The following RAB11B variants were observed in gnomAD, a reference collection of about 807,000 sequenced individuals.
The protein encoded by RAB11B is ras-related protein Rab-11B.
RAB11B carries 7 observed loss-of-function variants against 23.7 expected under a neutral mutation model. That is an observed-to-expected ratio of 0.29 (90% CI 0.17 to 0.55). The LOEUF is 0.55. Ranked by LOEUF, RAB11B falls within the 20% of genes least tolerant of loss-of-function variation. The probability of loss-of-function intolerance (pLI) is 0.93; values close to 1 mark genes in which losing one functional copy is unlikely to be tolerated. For missense variants in RAB11B, 189 were observed against 320.0 expected, an observed-to-expected ratio of 0.59 and a Z score of 3.12; for synonymous variants, 138 against 132.0, an observed-to-expected ratio of 1.05 and a Z score of -0.31.
At position 8,402,569 on chromosome 19, in the gene RAB11B, G is replaced by C; in HGVS notation, c.511+4G>C. 1.2e-6 allele frequency: 2 copies of C among 1,610,248 alleles called. No individual in the cohort carries two copies. The highest frequency in any genetic ancestry group is 1.1e-5 in the South Asian group (1 of 90,974). On this transcript the variant is annotated splice_donor_region_variant and intron_variant, in intron 4 of 4. Coordinates refer to ENST00000328024, the MANE Select transcript of RAB11B (RefSeq NM_004218.4). ...GCATTCAAGAACATCCTCACAGGTGGCCGGGGACCAGATGGGTGTGGGTAG... is the reference window on the plus strand; with the variant it reads ...GCATTCAAGAACATCCTCACAGGTGCCCGGGGACCAGATGGGTGTGGGTAG...
Position 8,402,182 on chromosome 19 carries a change from C to T in RAB11B, c.333C>T (p.Asp111=), listed in dbSNP as rs886597469. ...AGCGCTGGCTGAAGGAGCTGCGGGA[C>T]CACGCAGACAGCAACATCGTCATCA... ...NVERWLKELR[D]HADSNIVIML... Residue 111 remains aspartate, a synonymous_variant, in exon 3 of 5, where the codon GAC becomes GAT. Coordinates refer to ENST00000328024, the MANE Select transcript of RAB11B (RefSeq NM_004218.4). The T allele has an allele frequency of 2.5e-6, 4 of 1,599,128 alleles. No individual in the cohort carries two copies. Among genetic ancestry groups the T allele is most frequent in the Non-Finnish European group, 3.4e-6 (4 of 1,172,942 alleles).
chr19:8,394,489 G>A (rs1971381735), intron 1 of RAB11B, among the ~76,000 whole-genome samples: 1 of 152,178 alleles, frequency 6.6e-6, no homozygotes, highest in Non-Finnish European at 1.5e-5. Flanking sequence ...TTTGGCCTTT[G>A]CTCTGACTTG....
At position 8,402,689 on chromosome 19, in the gene RAB11B, A is replaced by AC. The variant is rs200847715; in HGVS notation, c.511+124_511+125insC. On this transcript the variant is annotated intron_variant, in intron 4 of 4. Transcript: ENST00000328024. Reference sequence around the variant, plus strand: ...TCTTTTTTTTGTCGGGGCAGGATGGATTTTTGCTCTTTGCCCAGGCTGGAG... The same window carrying AC: ...TCTTTTTTTTGTCGGGGCAGGATGGACTTTTTGCTCTTTGCCCAGGCTGGAG... 1.1e-5 allele frequency: 8 copies of AC among 730,982 alleles called. No homozygotes were observed. In the African/African-American group the frequency reaches 1.5e-4, roughly 14 times the overall value. The allele number at this position is 730,982 out of a possible 1,614,324, so 45.3% of individuals were successfully genotyped here.
intron 4 of RAB11B, chr19:8,402,862 A>C: frequency 1.9e-6 from 1 of 537,352 alleles, no homozygotes. Flanking sequence ...AGGATTTCAC[A>C]ATGTTGTCCA....
chr19:8,402,267 C>A lies in RAB11B; in HGVS notation c.418C>A (p.Arg140Ser). ...GCGGGCTGTGCCCACTGACGAGGCC[C>A]GCGCCTTCGCAGGTGAGCAGACGGA... ...HLRAVPTDEA[R>S]AFAEKNNLSF... Residue 140 changes from arginine to serine, a missense_variant, in exon 3 of 5, where the codon CGC becomes AGC. Transcript: ENST00000328024. The A allele has an allele frequency of 1.3e-6, 2 of 1,556,226 alleles. No individual in the cohort carries two copies. The highest frequency in any genetic ancestry group is 1.7e-6 in the Non-Finnish European group (2 of 1,150,422).
rs758588165 is a variant in RAB11B, at chr19:8,402,256, C to T, written c.407C>T (p.Thr136Ile). Residue 136 changes from threonine to isoleucine, a missense_variant, in exon 3 of 5, where the codon ACT becomes ATT. This residue lies in a region of RAB11B where 122 missense variants were observed against 170.8 expected (regional missense o/e 0.71). Transcript: ENST00000328024. ...SDLRHLRAVP[T>I]DEARAFAEKN... ...CTGCGCCACCTGCGGGCTGTGCCCA[C>T]TGACGAGGCCCGCGCCTTCGCAGGT... is the stretch of plus-strand genomic sequence containing the variant. 6.4e-7 allele frequency: 1 copy of T among 1,561,272 alleles called. No homozygotes were observed. Among genetic ancestry groups the T allele is most frequent in the South Asian group, 1.2e-5 (1 of 85,478 alleles).
chr19:8,390,452 CA>C lies in RAB11B; in HGVS notation c.39del (p.Val14TrpfsTer84). The C allele has an allele frequency of 6.6e-7, 1 of 1,512,506 alleles. No individual in the cohort carries two copies. The highest frequency in any genetic ancestry group is 8.8e-7 in the Non-Finnish European group (1 of 1,134,702). 93.7% of individuals were successfully genotyped at this position (1,512,506 alleles called of 1,614,324 possible). ...GGGACGACGAGTACGACTACCTATT[CA>C]AAGGTGCGGCCGGTGGGGCACAGAC... The part of the protein sequence containing the change: ...TRDDEYDYLF[K>X]VVLIGDSGVG... On this transcript the variant is annotated frameshift_variant, in exon 1 of 5. Coordinates refer to ENST00000328024, the MANE Select transcript of RAB11B (RefSeq NM_004218.4). LOFTEE classifies it high-confidence loss of function.
At chr19:8,390,750 G>A (rs1027853359) in intron 1 of RAB11B, 9 of 310,672 alleles carry the variant, frequency 2.9e-5, no homozygotes, top group Non-Finnish European at 5.3e-5. Flanking sequence ...TTAGGGCGGG[G>A]CCTCCGCAGG....
Position 8,396,485 on chromosome 19 carries a change from G to A in RAB11B, c.41-3378G>A, listed in dbSNP as rs1465546777. Among the ~76,000 whole-genome samples the A allele has an allele frequency of 6.6e-6, 1 of 152,128 alleles. No homozygotes were observed. Among genetic ancestry groups the A allele is most frequent in the African/African-American group, 2.4e-5 (1 of 41,416 alleles). Reference sequence around the variant, plus strand: ...GAGGAAGAACTGGGTCCGGGAGCAGGGTAATTCGGAGAGTAGAGTTTTAGT... The same window carrying A: ...GAGGAAGAACTGGGTCCGGGAGCAGAGTAATTCGGAGAGTAGAGTTTTAGT... On this transcript the variant is annotated intron_variant, in intron 1 of 4. Transcript: ENST00000328024. The surrounding 1 kb of genome is among the most constrained non-coding windows in gnomAD (Gnocchi z 5.0).
intron 1 of RAB11B, among the ~76,000 whole-genome samples, chr19:8,392,018 G>C (rs1971359121): frequency 6.6e-6 from 1 of 151,942 alleles, no homozygotes; most frequent in Non-Finnish European, 1.5e-5. Context: ...AGGAAGCTTT[G>C]GAAGGGTTTT....
chr19:8,397,701 A>T (rs538916710), intron 1 of RAB11B, among the ~76,000 whole-genome samples: 27 of 151,980 alleles, frequency 1.8e-4, no homozygotes, highest in Non-Finnish European at 3.5e-4. Flanking sequence ...TGGCCAGGGG[A>T]AGGGCAGAGG....
intron 1 of RAB11B, among the ~76,000 whole-genome samples, chr19:8,391,857 G>T (rs77822452): frequency 6.6e-6 from 1 of 151,980 alleles, no homozygotes; most frequent in South Asian, 2.1e-4. Context: ...AGCCTTCCGG[G>T]GGGAGGGAGA....
intron 2 of RAB11B, among the ~76,000 whole-genome samples, chr19:8,401,327 G>A (rs1199356093): frequency 1.3e-5 from 2 of 151,378 alleles, no homozygotes; most frequent in Non-Finnish European, 2.9e-5. Context: ...TGATCTGCCC[G>A]CCTCGGCCTC....
At chr19:8,397,972 G>C (rs1313837188) in intron 1 of RAB11B, among the ~76,000 whole-genome samples, 1 of 152,134 alleles carries the variant, frequency 6.6e-6, no homozygotes, top group Non-Finnish European at 1.5e-5. Context: ...CACACTTGGG[G>C]GTCCACGGGG....
intron 2 of RAB11B, among the ~76,000 whole-genome samples, chr19:8,400,797 G>C (rs1971431437): frequency 6.6e-6 from 1 of 152,050 alleles, no homozygotes; most frequent in Admixed American, 6.6e-5. Flanking sequence ...CATTGGTCAG[G>C]CTGGTCTCAA....
chr19:8,393,713 G>A (rs776935939), intron 1 of RAB11B, among the ~76,000 whole-genome samples: 24 of 142,760 alleles, frequency 1.7e-4, no homozygotes, highest in Non-Finnish European at 3.0e-4. Flanking sequence ...GGATGCTTAG[G>A]ACCAGCTTCC....
intron 1 of RAB11B, among the ~76,000 whole-genome samples, chr19:8,392,991 ATTTT>A (rs34749882): frequency 1.5e-5 from 2 of 130,572 alleles, no homozygotes; most frequent in Non-Finnish European, 1.7e-5. Flanking sequence ...TGGCCTCTGC[ATTTT>A]TTTTTTTTTT....
intron 1 of RAB11B, among the ~76,000 whole-genome samples, chr19:8,399,658 G>T (rs1327892974): frequency 2.6e-5 from 4 of 152,240 alleles, no homozygotes; most frequent in African/African-American, 9.6e-5. Context: ...GCTATCCGCA[G>T]TGGCTGTTTC....
At chr19:8,391,124 G>C (rs1045360871) in intron 1 of RAB11B, among the ~76,000 whole-genome samples, 2 of 152,192 alleles carry the variant, frequency 1.3e-5, no homozygotes, top group African/African-American at 4.8e-5. Flanking sequence ...TGCTAAGCCA[G>C]TACTTGCACT....
Sources: allele counts gnomAD v4.1 joint callset (sites outside exome capture counted in the v4.1 genomes callset), GRCh38; gene constraint gnomAD v4.1.1; regional missense constraint gnomAD v4.1.1; non-coding constraint Gnocchi (gnomAD v3.1); transcripts MANE v1.5; gene names NCBI Gene and HGNC (gene_info 2026-07-23, HGNC 2026-07-21).